The following PHF24 variants were observed in gnomAD, a reference collection of about 807,000 sequenced individuals.
The protein encoded by PHF24 is PHD finger protein 24, also known as Galpha inhibitory interacting protein.
A neutral mutation model predicts 42.6 loss-of-function variants in PHF24; 25 were observed. The ratio of observed to expected loss-of-function variants is 0.59; its 90% confidence interval spans 0.43 to 0.82. PHF24 has a LOEUF of 0.82. PHF24 is among the 40% of genes least tolerant of loss of function. The probability of loss-of-function intolerance (pLI) is 0.00; values close to 1 mark genes in which losing one functional copy is unlikely to be tolerated. For missense variants in PHF24, 470 were observed against 538.1 expected, an observed-to-expected ratio of 0.87 and a Z score of 1.25; for synonymous variants, 185 against 204.8, an observed-to-expected ratio of 0.90 and a Z score of 0.83.
At chr9:34,796,730 G>A in the PHF24 span, among the ~76,000 whole-genome samples, 1 of 152,162 alleles carries the variant, frequency 6.6e-6, no homozygotes, top group South Asian at 2.1e-4. Flanking sequence ...AGATAGCACA[G>A]CCACTCTGTA....
At chr9:34,760,360 T>C in the PHF24 span, among the ~76,000 whole-genome samples, 136,551 of 152,238 alleles carry the variant, frequency 0.9, 62,839 homozygotes, top group Non-Finnish European at 0.99. Context: ...TCTCTCCACA[T>C]AAGCCTTATG....
the PHF24 span, among the ~76,000 whole-genome samples, chr9:34,791,312 G>T: frequency 1.3e-5 from 2 of 152,176 alleles, no homozygotes. Flanking sequence ...GATGGCACCA[G>T]GGATTTTGGC....
chr9:34,956,407 G>A (rs1258643462), upstream of PHF24, among the ~76,000 whole-genome samples: 1 of 152,146 alleles, frequency 6.6e-6, no homozygotes, highest in Non-Finnish European at 1.5e-5. Context: ...CCACAGGCGC[G>A]TGCCACTGCA....
the PHF24 span, chr9:34,923,055 T>G: frequency 1.3e-3 from 573 of 443,362 alleles, 1 homozygote; most frequent in Middle Eastern, 3.4e-3. Flanking sequence ...TTTTGTTTTT[T>G]TTTTTTTTTT....
the PHF24 span, among the ~76,000 whole-genome samples, chr9:34,763,328 G>A: frequency 2.6e-5 from 4 of 152,310 alleles, no homozygotes; most frequent in East Asian, 7.7e-4. Context: ...TCCTACCCAT[G>A]AGCATGGAAT....
chr9:34,890,803 G>A, the PHF24 span, among the ~76,000 whole-genome samples: 220 of 152,306 alleles, frequency 1.4e-3, 1 homozygote, highest in East Asian at 0.037. Context: ...TGGCCAAGAT[G>A]GGTGCCTTGA....
At chr9:34,686,352 C>T in the PHF24 span, among the ~76,000 whole-genome samples, 1 of 152,190 alleles carries the variant, frequency 6.6e-6, no homozygotes, top group Non-Finnish European at 1.5e-5. Context: ...GAAGCTGGCT[C>T]TGAACAAACG....
At chr9:34,898,240 G>A in the PHF24 span, among the ~76,000 whole-genome samples, 1 of 152,138 alleles carries the variant, frequency 6.6e-6, no homozygotes, top group Non-Finnish European at 1.5e-5. Flanking sequence ...GTTCTTTAAG[G>A]AATCTTCACA....
the PHF24 span, among the ~76,000 whole-genome samples, chr9:34,814,183 A>G: frequency 6.6e-6 from 1 of 152,120 alleles, no homozygotes; most frequent in Non-Finnish European, 1.5e-5. Context: ...TTGTTAATTG[A>G]TTTCCTTTTT....
chr9:34,851,587 G>A, the PHF24 span, among the ~76,000 whole-genome samples: 4 of 152,130 alleles, frequency 2.6e-5, no homozygotes, highest in East Asian at 7.7e-4. Flanking sequence ...GCTTCGGCTC[G>A]CACACAGTGC....
At chr9:34,799,647 T>C in the PHF24 span, among the ~76,000 whole-genome samples, 1 of 152,176 alleles carries the variant, frequency 6.6e-6, no homozygotes, top group Admixed American at 6.5e-5. Flanking sequence ...TTTTCCCAGG[T>C]GATTTTTCCC....
chr9:34,911,903 G>A, the PHF24 span, among the ~76,000 whole-genome samples: 1 of 152,166 alleles, frequency 6.6e-6, no homozygotes, highest in African/African-American at 2.4e-5. Context: ...AGTTTCCTGG[G>A]TTGTTTTCTT....
the PHF24 span, among the ~76,000 whole-genome samples, chr9:34,851,264 C>T: frequency 2.0e-5 from 3 of 152,198 alleles, no homozygotes; most frequent in Non-Finnish European, 4.4e-5. Flanking sequence ...CCAGTTCAAG[C>T]TTCCCGGCTG....
At chr9:34,871,090 A>G in the PHF24 span, among the ~76,000 whole-genome samples, 1 of 152,204 alleles carries the variant, frequency 6.6e-6, no homozygotes, top group Non-Finnish European at 1.5e-5. Flanking sequence ...TGTTGCTTCC[A>G]CATCCTTGCC....
At chr9:34,730,315 A>G in the PHF24 span, among the ~76,000 whole-genome samples, 2 of 152,156 alleles carry the variant, frequency 1.3e-5, no homozygotes, top group East Asian at 3.8e-4. Flanking sequence ...TAGCCAGACT[A>G]TTGATTTACC....
At chr9:34,723,218 G>C in the PHF24 span, 1 of 1,548,646 alleles carries the variant, frequency 6.5e-7, no homozygotes, top group African/African-American at 1.4e-5. Context: ...TCTATCTGAG[G>C]TGAGGGTCAG....
the PHF24 span, among the ~76,000 whole-genome samples, chr9:34,718,027 T>C: frequency 6.6e-6 from 1 of 152,170 alleles, no homozygotes; most frequent in African/African-American, 2.4e-5. Context: ...GGCCCCTTAC[T>C]GTATCTTCCA....
chr9:34,974,361 C>T (rs1315722344), intron 3 of PHF24, among the ~76,000 whole-genome samples: 1 of 152,344 alleles, frequency 6.6e-6, no homozygotes, highest in East Asian at 1.9e-4. Context: ...GTATTTATTA[C>T]TTCTTTATTC....
intron 4 of PHF24, 91 bp from the exon 5 acceptor site, chr9:34,976,444 G>C: frequency 1.4e-6 from 2 of 1,380,482 alleles, no homozygotes; most frequent in Non-Finnish European, 2.0e-6. Context: ...AGAGCTGTGG[G>C]TTTGGGGGCC....
Sources: gnomAD v4.1 joint callset for allele counts (sites outside exome capture counted in the v4.1 genomes callset) on GRCh38, gnomAD v4.1.1 for gene constraint, MANE v1.5 for transcripts, NCBI Gene and HGNC (gene_info 2026-07-23, HGNC 2026-07-21) for gene names.